The following MDGA2 variants were observed in gnomAD, a reference collection of about 807,000 sequenced individuals.
MDGA2 encodes MAM domain-containing glycosylphosphatidylinositol anchor protein 2.
MDGA2 carries 40 observed loss-of-function variants against 117.8 expected under a neutral mutation model. The observed-to-expected ratio is 0.34, with a 90% CI of 0.26 to 0.44. MDGA2 has a LOEUF of 0.44. Ranked by LOEUF, MDGA2 falls within the 20% of genes least tolerant of loss-of-function variation. The pLI, the probability that MDGA2 is intolerant of heterozygous loss-of-function variation, is 1.00. For synonymous variants in MDGA2, 452 were observed against 439.0 expected (o/e 1.03, Z -0.37); for missense variants, 1,123 against 1,250.6 (o/e 0.90, Z 1.54).
chr14:47,001,805 G>A (rs368068816), intron 8 of MDGA2, among the ~76,000 whole-genome samples: 7 of 152,138 alleles, frequency 4.6e-5, no homozygotes, highest in Admixed American at 1.3e-4. Flanking sequence ...CAATTCACAC[G>A]GACAGAATAA....
intron 1 of MDGA2, among the ~76,000 whole-genome samples, chr14:47,383,446 T>C (rs992568337): frequency 6.6e-6 from 1 of 152,152 alleles, no homozygotes; most frequent in Non-Finnish European, 1.5e-5. Context: ...GTATGTAATA[T>C]GTGATTCATT....
chr14:47,286,955 T>G (rs569933757), intron 2 of MDGA2, among the ~76,000 whole-genome samples: 1 of 151,676 alleles, frequency 6.6e-6, no homozygotes, highest in South Asian at 2.1e-4. Flanking sequence ...GATTATTCTC[T>G]TTTATAATTC....
chr14:47,094,420 C>T (rs17279292), intron 6 of MDGA2, among the ~76,000 whole-genome samples: 2 of 151,950 alleles, frequency 1.3e-5, no homozygotes, highest in African/African-American at 4.8e-5. Context: ...GAAAATCATA[C>T]CCTAGGCACA....
chr14:47,101,811 T>C (rs1880340115), intron 5 of MDGA2, among the ~76,000 whole-genome samples: 1 of 151,968 alleles, frequency 6.6e-6, no homozygotes, highest in African/African-American at 2.4e-5. Context: ...GAATAAAGAG[T>C]TGAAAGAAAA....
chr14:46,855,054 A>G lies in MDGA2; in HGVS notation c.2853T>C (p.His951=), dbSNP rs898852859. ...ATGAAGTAATTGGGTATATATTAACATGAGCCTCATTCCATCTTTGTCCTT... is the reference window on the plus strand; with the variant it reads ...ATGAAGTAATTGGGTATATATTAACGTGAGCCTCATTCCATCTTTGTCCTT... The part of the protein sequence containing the change: ...GNKGQRWNEA[H]VNIYPITSFQ... Residue 951 remains histidine (H), a synonymous_variant, in exon 15 of 17, where the codon CAT becomes CAC. Coordinates refer to ENST00000399232, the MANE Select transcript of MDGA2 (RefSeq NM_001113498.3). The surrounding 1 kb of genome is among the most constrained non-coding windows in gnomAD (Gnocchi z 4.1). The G allele has an allele frequency of 1.2e-6, 2 of 1,611,098 alleles. No individual in the cohort carries two copies. Among genetic ancestry groups the G allele is most frequent in the African/African-American group, 1.3e-5 (1 of 74,860 alleles).
At chr14:47,620,996 T>C (rs1020542852) in intron 1 of MDGA2, among the ~76,000 whole-genome samples, 4 of 152,232 alleles carry the variant, frequency 2.6e-5, no homozygotes, top group Non-Finnish European at 4.4e-5. Flanking sequence ...ACCTGTAATA[T>C]ACTTCAACAT....
intron 2 of MDGA2, among the ~76,000 whole-genome samples, chr14:47,295,334 C>G (rs1343811012): frequency 6.6e-6 from 1 of 152,106 alleles, no homozygotes; most frequent in African/African-American, 2.4e-5. Context: ...ATACTGGTTA[C>G]AATTAAATTG....
chr14:46,999,513 G>C (rs1435337087), intron 8 of MDGA2, among the ~76,000 whole-genome samples: 2 of 151,986 alleles, frequency 1.3e-5, no homozygotes, highest in Non-Finnish European at 2.9e-5. Flanking sequence ...TTGAAGAGTA[G>C]AAAAAATTTT....
rs551940492 is a variant in MDGA2 at position 47,639,257 on chromosome 14, C to T, written c.280+35260G>A. Among the ~76,000 whole-genome samples, 20 of 152,112 alleles carry T rather than the reference C, an allele frequency of 1.3e-4. 1 individual carries two copies. The South Asian group carries it at 3.9e-3, about 30-fold the overall frequency. ...TAGAATGTAAGCTCCATGTGAACAG[C>T]GATTTATATCTTTTGAAAATGTCAT... On this transcript the variant is annotated intron_variant, in intron 1 of 16. Transcript: ENST00000399232.
chr14:47,540,540 G>GTGTGTGTGTGTGTGTATA, intron 1 of MDGA2, among the ~76,000 whole-genome samples: 16 of 79,210 alleles, frequency 2.0e-4, no homozygotes, highest in East Asian at 9.8e-4. Context: ...GTGTGTGTGT[G>GTGTGTGTGTGTGTGTATA]TATATATATA....
chr14:47,209,449 C>T (rs1469809161), intron 3 of MDGA2, among the ~76,000 whole-genome samples: 1 of 152,234 alleles, frequency 6.6e-6, no homozygotes, highest in African/African-American at 2.4e-5. Flanking sequence ...GGAAAGCTGA[C>T]AGTTGCCATT....
chr14:47,345,844 A>G (rs1890751355), intron 1 of MDGA2, among the ~76,000 whole-genome samples: 1 of 152,142 alleles, frequency 6.6e-6, no homozygotes, highest in Admixed American at 6.6e-5. Context: ...TGGAGTCAAA[A>G]GTAGCTCTTT....
intron 2 of MDGA2, among the ~76,000 whole-genome samples, chr14:47,244,499 A>C (rs1887174831): frequency 6.6e-6 from 1 of 151,806 alleles, no homozygotes; most frequent in Admixed American, 6.6e-5. Flanking sequence ...AATACTCTAC[A>C]ATTTTCCATT....
At chr14:47,374,282 G>A (rs547926338) in intron 1 of MDGA2, among the ~76,000 whole-genome samples, 1 of 152,166 alleles carries the variant, frequency 6.6e-6, no homozygotes, top group South Asian at 2.1e-4. Flanking sequence ...TCTCATTTAA[G>A]AGAAGTCCTG....
chr14:46,858,798 C>A (rs1256980052), intron 14 of MDGA2, among the ~76,000 whole-genome samples: 13 of 152,116 alleles, frequency 8.5e-5, no homozygotes, highest in Non-Finnish European at 4.4e-5. Flanking sequence ...TTTCTACGAA[C>A]TGATGTTAAC....
intron 9 of MDGA2, among the ~76,000 whole-genome samples, chr14:46,925,580 C>T (rs943891413): frequency 6.9e-6 from 1 of 144,270 alleles, no homozygotes; most frequent in African/African-American, 2.6e-5. Flanking sequence ...TGTAGTGAGC[C>T]GAGATTGCCC....
chr14:47,021,376 T>C (rs976660188), intron 8 of MDGA2, among the ~76,000 whole-genome samples: 2 of 152,160 alleles, frequency 1.3e-5, no homozygotes, highest in Non-Finnish European at 2.9e-5. Flanking sequence ...TTATAAACTT[T>C]CAAAATTTTA....
At chr14:47,162,695 T>C (rs7153058) in intron 3 of MDGA2, among the ~76,000 whole-genome samples, 60,858 of 151,864 alleles carry the variant, frequency 0.4, 12,805 homozygotes, top group African/African-American at 0.53. Flanking sequence ...TTGTATATTA[T>C]TTCCATAGGC....
chr14:47,356,879 C>A (rs528230284), intron 1 of MDGA2, among the ~76,000 whole-genome samples: 1 of 152,276 alleles, frequency 6.6e-6, no homozygotes, highest in South Asian at 2.1e-4. Context: ...ACCCTAACAC[C>A]AAATGTCACA....
Sources: allele counts gnomAD v4.1 joint callset (sites outside exome capture counted in the v4.1 genomes callset), GRCh38; gene constraint gnomAD v4.1.1; non-coding constraint Gnocchi (gnomAD v3.1); transcripts MANE v1.5; gene names NCBI Gene and HGNC (gene_info 2026-07-23, HGNC 2026-07-21).